Variants in FOCAD observed in about 807,000 individuals in gnomAD.
The protein encoded by FOCAD is KIAA1797.
Under a neutral mutation model 225.6 loss-of-function variants are expected in FOCAD, and 198 were observed. The ratio of observed to expected loss-of-function variants is 0.88; its 90% CI spans 0.78 to 0.99. FOCAD has a LOEUF of 0.99. Ranked by LOEUF, FOCAD falls within the 50% of genes least tolerant of loss-of-function variation. The pLI is 0.00. For synonymous variants in FOCAD, 897 were observed against 755.0 expected (o/e 1.19, Z -3.08); for missense variants, 2,713 against 2,123.6 (o/e 1.28, Z -5.46).
chr9:20,832,062 G>A (rs1825549547), intron 15 of FOCAD, among the ~76,000 whole-genome samples: 1 of 152,012 alleles, frequency 6.6e-6, no homozygotes, highest in East Asian at 1.9e-4. Context: ...GAGTAATACT[G>A]TGTTGTATGG....
intron 1 of FOCAD, among the ~76,000 whole-genome samples, chr9:20,694,191 C>A (rs1318195417): frequency 6.6e-6 from 1 of 152,168 alleles, no homozygotes; most frequent in Non-Finnish European, 1.5e-5. Context: ...CAAAGCAAAG[C>A]TGAAACAGGT....
At chr9:20,679,172 T>TGTGTGG (rs1822325484) in intron 2 of FOCAD, among the ~76,000 whole-genome samples, 1 of 111,792 alleles carries the variant, frequency 8.9e-6, no homozygotes, top group African/African-American at 3.5e-5. Context: ...TGTGTGTGTG[T>TGTGTGG]TGGGGATGGA....
rs995800088 is a variant in FOCAD, at chr9:20,717,959, C to A, written c.132+91C>A. 5.2e-6 allele frequency: 5 copies of A among 954,706 alleles called. No homozygotes were observed. In the South Asian group the frequency reaches 7.7e-5, roughly 15 times the overall value. The allele number at this position is 954,706 out of a possible 1,614,324, so 59.1% of individuals were successfully genotyped here. On this transcript the variant is annotated intron_variant, in intron 3 of 43. Coordinates refer to ENST00000338382, the MANE Select transcript of FOCAD (RefSeq NM_001375567.1). ...CACCTGTCTTGTTTCCCTGATAGTT[C>A]AGATCACAGTAGAAATGCTTTTGAA...
chr9:20,901,454 A>G (rs77912649), intron 21 of FOCAD, among the ~76,000 whole-genome samples: 1,934 of 151,978 alleles, frequency 0.013, 38 homozygotes, highest in African/African-American at 0.044. Flanking sequence ...AAAGAATGCC[A>G]TCAAAGTTTG....
chr9:20,704,817 T>C (rs1339916946), intron 1 of FOCAD, among the ~76,000 whole-genome samples: 1 of 152,248 alleles, frequency 6.6e-6, no homozygotes, highest in Non-Finnish European at 1.5e-5. Flanking sequence ...CCTCTATTTC[T>C]ACAAAATGTA....
chr9:20,703,194 G>T (rs1463738118), intron 1 of FOCAD, among the ~76,000 whole-genome samples: 2 of 151,938 alleles, frequency 1.3e-5, no homozygotes. Flanking sequence ...GGGTGGTGGG[G>T]GGATAGGGAA....
intron 16 of FOCAD, 125 bp downstream of exon 16, chr9:20,862,837 A>G (rs1055701806): frequency 9.1e-7 from 1 of 1,097,276 alleles, no homozygotes; most frequent in Non-Finnish European, 1.3e-6. Context: ...CCATGTTGAT[A>G]TGTTTATGGA....
intron 19 of FOCAD, among the ~76,000 whole-genome samples, chr9:20,879,005 G>C (rs897420664): frequency 6.6e-6 from 1 of 152,118 alleles, no homozygotes; most frequent in Non-Finnish European, 1.5e-5. Flanking sequence ...CAATTGGATG[G>C]TGCCCATCAA....
rs752860842 is a variant in FOCAD, at chr9:20,740,272, A to G, written c.324A>G (p.Leu108=). Residue 108 remains leucine (L), a synonymous_variant, in exon 5 of 44, where the codon TTA becomes TTG. Coordinates refer to ENST00000338382, the MANE Select transcript of FOCAD (RefSeq NM_001375567.1). The part of the protein sequence containing the change: ...THGLIKAIMH[L]LQMQALKEGQ... Reference sequence around the variant, plus strand: ...GCTTGATAAAAGCCATTATGCACTTACTACAAATGCAAGCTCTTAAGGAAG... The same window carrying G: ...GCTTGATAAAAGCCATTATGCACTTGCTACAAATGCAAGCTCTTAAGGAAG... 1.7e-5 allele frequency: 27 copies of G among 1,612,218 alleles called. No homozygotes were observed. The South Asian group carries it at 3.0e-4, about 18-fold the overall frequency.
At chr9:20,827,422 C>T (rs1190352073) in intron 15 of FOCAD, among the ~76,000 whole-genome samples, 3 of 152,066 alleles carry the variant, frequency 2.0e-5, no homozygotes, top group African/African-American at 7.2e-5. Context: ...GGCTCTACCA[C>T]ATTTTATTTA....
chr9:20,775,456 G>C (rs1316180008), intron 8 of FOCAD, among the ~76,000 whole-genome samples: 1 of 152,144 alleles, frequency 6.6e-6, no homozygotes, highest in East Asian at 1.9e-4. Flanking sequence ...CTCATTTTAA[G>C]TTTTCAGATT....
chr9:20,969,511 A>G (rs1839571228), intron 35 of FOCAD, among the ~76,000 whole-genome samples: 1 of 151,998 alleles, frequency 6.6e-6, no homozygotes, highest in Non-Finnish European at 1.5e-5. Flanking sequence ...ATTTGAATTG[A>G]TTCCAACTGA....
chr9:20,665,176 C>T (rs992916835), intron 2 of FOCAD, among the ~76,000 whole-genome samples: 2 of 151,994 alleles, frequency 1.3e-5, no homozygotes, highest in African/African-American at 2.4e-5. Flanking sequence ...AAAGAAAAAC[C>T]TTGCTTGAAG....
chr9:20,914,138 C>T (rs1833679580), intron 23 of FOCAD, among the ~76,000 whole-genome samples: 1 of 151,722 alleles, frequency 6.6e-6, no homozygotes, highest in Non-Finnish European at 1.5e-5. Flanking sequence ...CCTGCAGTAA[C>T]TAATAAGCTA....
intron 23 of FOCAD, among the ~76,000 whole-genome samples, chr9:20,915,400 G>C (rs1422602585): frequency 6.6e-6 from 1 of 152,156 alleles, no homozygotes; most frequent in Admixed American, 6.5e-5. Context: ...AACCAAAAGA[G>C]AGTAAAATCT....
At chr9:20,719,815 C>T (rs548280897) in intron 3 of FOCAD, among the ~76,000 whole-genome samples, 3 of 114,022 alleles carry the variant, frequency 2.6e-5, no homozygotes, top group African/African-American at 6.8e-5. Context: ...TAGCCATGGA[C>T]TGAGCAGCTT....
intron 5 of FOCAD, among the ~76,000 whole-genome samples, chr9:20,743,181 A>G (rs137946689): frequency 6.6e-6 from 1 of 152,348 alleles, no homozygotes; most frequent in Non-Finnish European, 1.5e-5. Flanking sequence ...TAGAGAGGCA[A>G]CTGATGAGCT....
chr9:20,727,459 G>C (rs1826295338), intron 4 of FOCAD, among the ~76,000 whole-genome samples: 1 of 152,160 alleles, frequency 6.6e-6, no homozygotes, highest in African/African-American at 2.4e-5. Flanking sequence ...TTGGTACATG[G>C]AAGACAAATG....
chr9:20,874,740 G>C lies in FOCAD; in HGVS notation c.2250G>C (p.Val750=), dbSNP rs887706652. Residue 750 remains valine, a synonymous_variant, in exon 19 of 44, where the codon GTG becomes GTC. Transcript: ENST00000338382. The stretch of plus-strand genomic sequence containing the variant: ...ATGACGATGAAGATGTTGAGGATGT[G>C]GATCTTTCAGTTCCTGGCTCTTGCT... The part of the protein sequence containing the change: ...ELDDDEDVED[V]DLSVPGSCYL... The C allele has an allele frequency of 2.5e-6, 4 of 1,613,590 alleles. No individual in the cohort carries two copies. The South Asian group carries it at 4.4e-5, about 18-fold the overall frequency.
Sources: allele counts gnomAD v4.1 joint callset (sites outside exome capture counted in the v4.1 genomes callset), GRCh38; gene constraint gnomAD v4.1.1; transcripts MANE v1.5; gene names NCBI Gene and HGNC (gene_info 2026-07-23, HGNC 2026-07-21).